ROBO2: variants seen among roughly 807,000 people sequenced by gnomAD.
ROBO2 encodes roundabout homolog 2.
Under a neutral mutation model 160.8 loss-of-function variants are expected in ROBO2, and 53 were observed. That is an observed-to-expected ratio of 0.33 (90% CI 0.26 to 0.41). ROBO2 has a LOEUF of 0.41. Among genes scored for constraint, ROBO2 ranks in the 10% least tolerant of loss-of-function variants. The probability of loss-of-function intolerance (pLI) is 1.00; values close to 1 mark genes in which losing one functional copy is unlikely to be tolerated. For synonymous variants in ROBO2, 664 were observed against 611.7 expected (o/e 1.09, Z -1.26); for missense variants, 1,577 against 1,722.4 (o/e 0.92, Z 1.49).
intron 1 of ROBO2, among the ~76,000 whole-genome samples, chr3:77,045,812 G>A (rs2149654068): frequency 6.6e-6 from 1 of 152,278 alleles, no homozygotes; most frequent in Non-Finnish European, 1.5e-5. Flanking sequence ...CTCTACTTCT[G>A]CCTCTGTGGA....
In ROBO2 at chr3:77,429,200, T is replaced by A. The variant is rs556982177; in HGVS notation, c.389-48214T>A. Among the ~76,000 whole-genome samples the A allele has an allele frequency of 4.6e-5, 7 of 152,324 alleles. No homozygotes were observed. The South Asian group carries it at 1.4e-3, about 32-fold the overall frequency. ...CTGGTTACTCTTGAATGTGGACTTGTGGAAGCTCACAAATTCAATCTCTGC... is the reference window on the plus strand; with the variant it reads ...CTGGTTACTCTTGAATGTGGACTTGAGGAAGCTCACAAATTCAATCTCTGC... On this transcript the variant is annotated intron_variant, in intron 2 of 25. Coordinates refer to ENST00000461745, the Ensembl canonical transcript of ROBO2.
intron 2 of ROBO2, among the ~76,000 whole-genome samples, chr3:77,475,737 T>A (rs2083918495): frequency 6.6e-6 from 1 of 152,198 alleles, no homozygotes; most frequent in South Asian, 2.1e-4. Flanking sequence ...CAGCTTGCTC[T>A]CCCTGGAGGA....
chr3:76,612,719 T>A (rs922289505), intron 2 of ROBO2, among the ~76,000 whole-genome samples: 3 of 152,090 alleles, frequency 2.0e-5, no homozygotes, highest in East Asian at 1.9e-4. Context: ...AAATTAAAAA[T>A]AATAATAATA....
chr3:76,205,608 G>A (rs1167894811), intron 2 of ROBO2, among the ~76,000 whole-genome samples: 2 of 152,102 alleles, frequency 1.3e-5, no homozygotes. Flanking sequence ...CCATTGAACA[G>A]GTTTATCACC....
rs2089219234 is a variant in ROBO2, at chr3:76,622,249, A to AAAAAGAAAGAAAGAAAGAAAGAAG, written c.110-475765_110-475764insAAAAGAAAGAAAGAAAGAAAGAAG. Among the ~76,000 whole-genome samples, 5 of 52,676 alleles carry AAAAAGAAAGAAAGAAAGAAAGAAG rather than the reference A, an allele frequency of 9.5e-5. 1 individual carries two copies. The highest frequency in any genetic ancestry group is 1.9e-4 in the Non-Finnish European group (5 of 26,378). 34.6% of individuals were successfully genotyped at this position (52,676 alleles called of 152,430 possible). A position where few individuals can be genotyped will look rare whatever the true frequency, so the allele number is the denominator to read the frequency against. ...AAGGAAGGAAGGAAGAAAGAAAGAA[A>AAAAAGAAAGAAAGAAAGAAAGAAG]GAAAGAAAGAAAGAAAGAAAGAAAG... On this transcript the variant is annotated intron_variant, in intron 2 of 26. Transcript: ENST00000487694.
At chr3:76,045,639 C>G (rs932081304) in intron 2 of ROBO2, among the ~76,000 whole-genome samples, 1 of 152,100 alleles carries the variant, frequency 6.6e-6, no homozygotes, top group African/African-American at 2.4e-5. Context: ...CATAAATGCT[C>G]TGTATCCTTT....
Position 76,618,870 on chromosome 3 carries a change from T to A in ROBO2, c.110-479144T>A, listed in dbSNP as rs2088814804. ...ATGTCACTATATTATTTGAATAGATTGATAGGAGAGCCCACAAGAAAAACT... is the reference window on the plus strand; with the variant it reads ...ATGTCACTATATTATTTGAATAGATAGATAGGAGAGCCCACAAGAAAAACT... On this transcript the variant is annotated intron_variant, in intron 2 of 26. Coordinates refer to the ROBO2 transcript ENST00000487694. 1.3e-5 allele frequency among the ~76,000 whole-genome samples: 2 copies of A among 151,776 alleles called. 1 individual carries two copies. The highest frequency in any genetic ancestry group is 4.9e-5 in the African/African-American group (2 of 41,150).
Position 76,492,561 on chromosome 3 carries a change from G to GAA in ROBO2, c.109+554968_109+554969dup, listed in dbSNP as rs11358306. On this transcript the variant is annotated intron_variant, in intron 2 of 26. Coordinates refer to the ROBO2 transcript ENST00000487694. ...CATTTAGTTTTCAAAAGTGCATAAA[G>GAA]AAAAAAAAAACAGGGAGGAAAAATA... Among the ~76,000 whole-genome samples, 307 of 149,910 alleles carry GAA rather than the reference G, an allele frequency of 2.0e-3. 1 individual carries two copies. The highest frequency in any genetic ancestry group is 6.9e-3 in the African/African-American group (283 of 41,022).
chr3:76,935,885 C>A lies in ROBO2; in HGVS notation c.110-162129C>A, dbSNP rs143095199. Among the ~76,000 whole-genome samples, 68 of 152,266 alleles carry A rather than the reference C, an allele frequency of 4.5e-4. No individual in the cohort carries two copies. In the Middle Eastern group the frequency reaches 0.01, roughly 23 times the overall value. The stretch of plus-strand genomic sequence containing the variant: ...TAATCCCATTCATGAAGACTCTCTG[C>A]TCTCAAGACCTCATCACCCCACAAA... On this transcript the variant is annotated intron_variant, in intron 2 of 26. Coordinates refer to the ROBO2 transcript ENST00000487694.
intron 2 of ROBO2, among the ~76,000 whole-genome samples, chr3:76,692,652 T>C (rs1384139849): frequency 6.6e-6 from 1 of 152,082 alleles, no homozygotes; most frequent in African/African-American, 2.4e-5. Flanking sequence ...AATACCCTTT[T>C]CTTCTTATAT....
intron 2 of ROBO2, among the ~76,000 whole-genome samples, chr3:76,554,040 G>A (rs968038166): frequency 3.3e-5 from 5 of 152,064 alleles, no homozygotes; most frequent in African/African-American, 7.2e-5. Context: ...GTGAACACTC[G>A]CATTTTATTT....
At chr3:77,367,667 G>A (rs1004562325) in intron 2 of ROBO2, among the ~76,000 whole-genome samples, 2 of 152,130 alleles carry the variant, frequency 1.3e-5, no homozygotes, top group African/African-American at 4.8e-5. Flanking sequence ...GTGGTTCTGT[G>A]GGACACCTTA....
At chr3:76,589,490 G>A (rs956491657) in intron 2 of ROBO2, among the ~76,000 whole-genome samples, 11 of 152,148 alleles carry the variant, frequency 7.2e-5, no homozygotes, top group Non-Finnish European at 5.9e-5. Flanking sequence ...TTTTAGTAGA[G>A]ACGGGGTTTC....
intron 5 of ROBO2, among the ~76,000 whole-genome samples, chr3:77,515,605 A>C (rs1333569452): frequency 6.6e-6 from 1 of 151,726 alleles, no homozygotes; most frequent in Non-Finnish European, 1.5e-5. Flanking sequence ...CTTTGAACCC[A>C]TTAGGAAAAA....
chr3:76,903,816 T>C (rs1460556408), intron 2 of ROBO2, among the ~76,000 whole-genome samples: 1 of 152,198 alleles, frequency 6.6e-6, no homozygotes, highest in Non-Finnish European at 1.5e-5. Context: ...TGTTCTCCCA[T>C]TACTTTCTCT....
chr3:76,180,337 C>G (rs1329932312), intron 2 of ROBO2, among the ~76,000 whole-genome samples: 1 of 152,118 alleles, frequency 6.6e-6, no homozygotes, highest in Non-Finnish European at 1.5e-5. Context: ...ACTTTGCTGA[C>G]TTTATCTGAT....
chr3:76,027,036 C>T (rs2066770768), intron 2 of ROBO2, among the ~76,000 whole-genome samples: 1 of 151,848 alleles, frequency 6.6e-6, no homozygotes, highest in Non-Finnish European at 1.5e-5. Flanking sequence ...GAAAGCCCAC[C>T]AAAAGAGATT....
chr3:76,041,133 C>T (rs761850730), intron 2 of ROBO2, among the ~76,000 whole-genome samples: 68 of 152,094 alleles, frequency 4.5e-4, no homozygotes, highest in Non-Finnish European at 7.9e-4. Flanking sequence ...TATGCTTAAT[C>T]GGAAATCCTG....
intron 2 of ROBO2, among the ~76,000 whole-genome samples, chr3:76,744,054 T>A (rs548811781): frequency 2.0e-3 from 300 of 152,140 alleles, no homozygotes; most frequent in Non-Finnish European, 3.1e-3. Flanking sequence ...TACAACAATA[T>A]GAAAACAACA....
Sources: allele counts gnomAD v4.1 joint callset (sites outside exome capture counted in the v4.1 genomes callset), GRCh38; gene constraint gnomAD v4.1.1; transcripts MANE v1.5; gene names NCBI Gene and HGNC (gene_info 2026-07-23, HGNC 2026-07-21).